The following CDH23 variants were observed in gnomAD, a reference collection of about 807,000 sequenced individuals.
CDH23 encodes the protein cadherin-23.
CDH23 carries 189 observed loss-of-function variants against 317.1 expected under a neutral mutation model. The ratio of observed to expected loss-of-function variants is 0.60; its 90% CI spans 0.53 to 0.67. The LOEUF is 0.67. CDH23 is among the 30% of genes least tolerant of loss of function. CDH23 has a pLI of 0.00. For missense variants in CDH23, 4,401 were observed against 4,592.4 expected (o/e 0.96, Z 1.20); for synonymous variants, 1,839 against 1,876.8 (o/e 0.98, Z 0.52).
chr10:71,720,476 C>T (rs920635274), intron 28 of CDH23, among the ~76,000 whole-genome samples: 1 of 151,988 alleles, frequency 6.6e-6, no homozygotes, highest in Non-Finnish European at 1.5e-5. Flanking sequence ...TTCTTTCTCC[C>T]CAGAAGCCAG....
At position 71,397,912 on chromosome 10, in the gene CDH23, C is replaced by G. The variant is rs114066776; in HGVS notation, c.-6+594C>G. Among the ~76,000 whole-genome samples the G allele has an allele frequency of 0.012, 1,766 of 152,326 alleles. 35 individuals are homozygous for G. Among genetic ancestry groups the G allele is most frequent in the African/African-American group, 0.041 (1,688 of 41,564 alleles). ...AATTCGGTCCAGCTATGGGAAGACGCGCCCCTCGAGGAGCCGGGAGCCTTT... is the reference window on the plus strand; with the variant it reads ...AATTCGGTCCAGCTATGGGAAGACGGGCCCCTCGAGGAGCCGGGAGCCTTT... On this transcript the variant is annotated intron_variant, in intron 1 of 69. Transcript: ENST00000224721. The surrounding 1 kb of genome is among the most constrained non-coding windows in gnomAD (Gnocchi z 4.8).
chr10:71,585,520 T>G (rs1468496702), intron 9 of CDH23, among the ~76,000 whole-genome samples: 1 of 152,228 alleles, frequency 6.6e-6, no homozygotes, highest in Non-Finnish European at 1.5e-5. Context: ...TGTAGCTCTC[T>G]TCTTTCAAGA....
Position 71,751,613 on chromosome 10 carries a change from C to A in CDH23, c.4845+9692C>A, listed in dbSNP as rs191188213. On this transcript the variant is annotated intron_variant, in intron 38 of 69. Coordinates refer to ENST00000224721, the MANE Select transcript of CDH23 (RefSeq NM_022124.6). The surrounding 1 kb of genome is among the most constrained non-coding windows in gnomAD (Gnocchi z 4.9). ...GGGAGTGAGGCCGATGCCCTGCAGG[C>A]CATGAGGTCATGACCTTACAGGTCA... 3.2e-5 allele frequency: 47 copies of A among 1,484,602 alleles called. No individual in the cohort carries two copies. In the African/African-American group the frequency reaches 5.9e-4, roughly 19 times the overall value. 92.0% of individuals were successfully genotyped at this position (1,484,602 alleles called of 1,614,324 possible).
chr10:71,624,473 A>G (rs965982627), intron 11 of CDH23, among the ~76,000 whole-genome samples: 1 of 152,174 alleles, frequency 6.6e-6, no homozygotes, highest in African/African-American at 2.4e-5. Flanking sequence ...TAGCCACTGT[A>G]CCTCACAGAG....
intron 9 of CDH23, among the ~76,000 whole-genome samples, chr10:71,584,405 C>T (rs774156193): frequency 6.6e-6 from 1 of 152,106 alleles, no homozygotes; most frequent in African/African-American, 2.4e-5. Flanking sequence ...CACTGGGGCA[C>T]TATGGTAGTG....
intron 11 of CDH23, among the ~76,000 whole-genome samples, chr10:71,637,983 G>A (rs1003810093): frequency 3.9e-5 from 6 of 152,130 alleles, no homozygotes. Flanking sequence ...TACAGGGTTG[G>A]TTGACGGTCC....
intron 38 of CDH23, among the ~76,000 whole-genome samples, chr10:71,744,698 G>A (rs148672777): frequency 4.3e-4 from 65 of 152,256 alleles, no homozygotes; most frequent in African/African-American, 1.3e-3. Context: ...GGTAGCATCC[G>A]CCCTGCTCAT....
chr10:71,612,325 G>T (rs1174531384), intron 9 of CDH23, among the ~76,000 whole-genome samples: 1 of 151,894 alleles, frequency 6.6e-6, no homozygotes, highest in East Asian at 1.9e-4. Flanking sequence ...GTTGGAGAAG[G>T]TTGCCTAGGT....
chr10:71,674,926 C>G (rs1211239150), intron 14 of CDH23, among the ~76,000 whole-genome samples, 186 bp from the exon 15 acceptor site: 1 of 152,152 alleles, frequency 6.6e-6, no homozygotes, highest in South Asian at 2.1e-4. Context: ...AGTTTCTGTC[C>G]CACTCTGCTT....
At chr10:71,473,631 TA>T (rs1851631701) in intron 3 of CDH23, among the ~76,000 whole-genome samples, 1 of 152,152 alleles carries the variant, frequency 6.6e-6, no homozygotes, top group African/African-American at 2.4e-5. Context: ...AAAATGGAGA[TA>T]AAAAAGTACT....
At chr10:71,729,829 T>A (rs1490801253) in intron 30 of CDH23, among the ~76,000 whole-genome samples, 2 of 152,070 alleles carry the variant, frequency 1.3e-5, no homozygotes, top group African/African-American at 4.8e-5. Flanking sequence ...TGAACTATTT[T>A]ATTATTATTA....
chr10:71,702,524 C>T (rs757922762), intron 23 of CDH23, 25 bp from the exon 24 acceptor site: 17 of 1,613,596 alleles, frequency 1.1e-5, no homozygotes, highest in African/African-American at 2.7e-5. Flanking sequence ...CTGTCCTTGG[C>T]CCCTTCTCGC....
In CDH23 at chr10:71,403,331, CTTTCTTTCTTTCTTTCTTTCTTTCTTT is replaced by C. The variant is rs1847882096; in HGVS notation, c.-6+6014_-6+6040del. 4.4e-3 allele frequency among the ~76,000 whole-genome samples: 230 copies of C among 52,342 alleles called. 24 individuals carry two copies. Among genetic ancestry groups the C allele is most frequent in the African/African-American group, 0.016 (208 of 12,954 alleles). 34.3% of individuals were successfully genotyped at this position (52,342 alleles called of 152,430 possible). A position where few individuals can be genotyped will look rare whatever the true frequency, so the allele number is the denominator to read the frequency against. ...TTTCTCTTTCTTCCTTCCTTCCTTT[CTTTCTTTCTTTCTTTCTTTCTTTCTTT>C]CTTTCTTTCTTTCTTTCTTTCTTTC... On this transcript the variant is annotated intron_variant, in intron 1 of 69. Coordinates refer to ENST00000224721, the MANE Select transcript of CDH23 (RefSeq NM_022124.6).
intron 35 of CDH23, 137 bp from the exon 36 acceptor site, chr10:71,739,507 A>T: frequency 9.6e-7 from 1 of 1,044,188 alleles, no homozygotes; most frequent in Non-Finnish European, 1.4e-6. Flanking sequence ...ACTTCTGCTT[A>T]AAACACTGCA....
chr10:71,788,399 G>T (rs1775676901), intron 44 of CDH23, among the ~76,000 whole-genome samples: 1 of 151,828 alleles, frequency 6.6e-6, no homozygotes, highest in South Asian at 2.1e-4. Context: ...GTGTGAGAGG[G>T]TACCTCACTG....
intron 1 of CDH23, among the ~76,000 whole-genome samples, chr10:71,403,328 T>TTCCTTCCTTCC (rs1564557802): frequency 2.9e-5 from 1 of 34,356 alleles, no homozygotes; most frequent in African/African-American, 1.3e-4. Context: ...CCTTCCTTCC[T>TTCCTTCCTTCC]TTCTTTCTTT....
intron 3 of CDH23, among the ~76,000 whole-genome samples, chr10:71,484,368 A>C (rs1039920818): frequency 1.3e-5 from 2 of 152,188 alleles, no homozygotes; most frequent in Admixed American, 6.5e-5. Flanking sequence ...AGCAGGAGAA[A>C]GAGGAGGCAG....
chr10:71,736,365 C>A (rs1003116759), intron 34 of CDH23, among the ~76,000 whole-genome samples: 1 of 152,180 alleles, frequency 6.6e-6, no homozygotes, highest in Non-Finnish European at 1.5e-5. Context: ...TCTGCTAGGC[C>A]GGAACCCAAA....
intron 6 of CDH23, among the ~76,000 whole-genome samples, chr10:71,563,822 C>T (rs1406844174): frequency 6.7e-6 from 1 of 150,202 alleles, no homozygotes; most frequent in Non-Finnish European, 1.5e-5. Context: ...GATCTTGGCT[C>T]ACTGCTACCT....
Sources: allele counts gnomAD v4.1 joint callset (sites outside exome capture counted in the v4.1 genomes callset), GRCh38; gene constraint gnomAD v4.1.1; non-coding constraint Gnocchi (gnomAD v3.1); transcripts MANE v1.5; gene names NCBI Gene and HGNC (gene_info 2026-07-23, HGNC 2026-07-21).